The following DGKB variants were observed in gnomAD, a reference collection of about 807,000 sequenced individuals.
DGKB encodes the protein 90 kDa diacylglycerol kinase.
DGKB carries 67 observed loss-of-function variants against 114.3 expected under a neutral mutation model. That is an observed-to-expected ratio of 0.59 (90% CI 0.48 to 0.72). DGKB has a LOEUF of 0.72. DGKB is among the 30% of genes least tolerant of loss of function. The probability of loss-of-function intolerance (pLI) is 0.00; values close to 1 mark genes in which losing one functional copy is unlikely to be tolerated. For synonymous variants in DGKB, 398 were observed against 323.1 expected (o/e 1.23, Z -2.49); for missense variants, 907 against 975.2 (o/e 0.93, Z 0.93).
chr7:14,230,451 T>G (rs1282360935), intron 23 of DGKB, among the ~76,000 whole-genome samples: 1 of 151,964 alleles, frequency 6.6e-6, no homozygotes, highest in African/African-American at 2.4e-5. Flanking sequence ...ATGGTAAAAT[T>G]TCATTAATTA....
intron 6 of DGKB, 131 bp from the exon 7 acceptor site, chr7:14,701,861 T>C: frequency 3.2e-6 from 2 of 622,784 alleles, no homozygotes; most frequent in South Asian, 2.0e-5. Context: ...AAACAATTAA[T>C]TTGTGGGATT....
intron 23 of DGKB, among the ~76,000 whole-genome samples, chr7:14,243,434 A>G (rs1033759876): frequency 2.0e-5 from 3 of 152,226 alleles, no homozygotes; most frequent in African/African-American, 7.2e-5. Context: ...TCCTAGAACC[A>G]TATAGATGCT....
chr7:14,869,863 A>G (rs1852202201), intron 1 of DGKB, among the ~76,000 whole-genome samples: 1 of 152,126 alleles, frequency 6.6e-6, no homozygotes, highest in Non-Finnish European at 1.5e-5. Context: ...ACAAGAGATG[A>G]CTCGCTAATG....
chr7:14,689,948 T>C (rs778288232), intron 9 of DGKB, among the ~76,000 whole-genome samples: 2 of 152,194 alleles, frequency 1.3e-5, no homozygotes, highest in Non-Finnish European at 2.9e-5. Flanking sequence ...AAATGACCTA[T>C]AAGAATTGAA....
At chr7:14,888,441 T>A (rs568242655) in intron 1 of DGKB, among the ~76,000 whole-genome samples, 23 of 151,870 alleles carry the variant, frequency 1.5e-4, no homozygotes, top group African/African-American at 5.5e-4. Context: ...TTCATTTTCC[T>A]CTTTGTGTGA....
chr7:14,579,366 A>G (rs1405604893), intron 19 of DGKB, among the ~76,000 whole-genome samples: 1 of 152,198 alleles, frequency 6.6e-6, no homozygotes, highest in Non-Finnish European at 1.5e-5. Context: ...TTTCACAAGA[A>G]TTATTAGAGT....
At chr7:14,958,217 G>A (rs946492903) in intron 1 of DGKB, among the ~76,000 whole-genome samples, 1 of 151,956 alleles carries the variant, frequency 6.6e-6, no homozygotes, top group Non-Finnish European at 1.5e-5. Context: ...GTTTTTCTAA[G>A]AGCTGCAAAG....
rs910881765 is a variant in DGKB, at chr7:14,295,410, C to T, written c.2122+43105G>A. Among the ~76,000 whole-genome samples the T allele has an allele frequency of 7.2e-5, 11 of 152,082 alleles. No individual in the cohort carries two copies. In the East Asian group the frequency reaches 1.9e-3, roughly 27 times the overall value. On this transcript the variant is annotated intron_variant, in intron 23 of 25. Coordinates refer to ENST00000402815, the MANE Select transcript of DGKB (RefSeq NM_001350709.2). The stretch of plus-strand genomic sequence containing the variant: ...TTGTTTCCTTTAGTTCTTAAAGGAG[C>T]TTCGGGGGCCAAAAGTGTGTTTGAA...
At chr7:14,419,642 T>G (rs1826354255) in intron 21 of DGKB, among the ~76,000 whole-genome samples, 2 of 148,752 alleles carry the variant, frequency 1.3e-5, no homozygotes, top group African/African-American at 4.9e-5. Context: ...AAAAAAAATG[T>G]TGGACTGGAA....
chr7:14,599,568 C>T (rs982584153), intron 17 of DGKB, among the ~76,000 whole-genome samples: 11 of 152,160 alleles, frequency 7.2e-5, no homozygotes, highest in Admixed American at 3.9e-4. Flanking sequence ...AGAACAACCA[C>T]GAAACCCTCA....
intron 1 of DGKB, among the ~76,000 whole-genome samples, chr7:14,912,104 G>A (rs752936383): frequency 1.2e-4 from 18 of 152,014 alleles, no homozygotes; most frequent in Non-Finnish European, 2.4e-4. Context: ...TATAAATAGA[G>A]GCAACTTTGT....
chr7:14,351,070 C>T (rs10255276), intron 21 of DGKB, among the ~76,000 whole-genome samples: 1 of 151,874 alleles, frequency 6.6e-6, no homozygotes, highest in African/African-American at 2.4e-5. Context: ...ATGGCATAGC[C>T]GGAATTTGGA....
intron 20 of DGKB, among the ~76,000 whole-genome samples, chr7:14,539,179 C>T (rs1793012269): frequency 6.6e-6 from 1 of 151,994 alleles, no homozygotes; most frequent in South Asian, 2.1e-4. Context: ...CAAAGGGACA[C>T]CAGGGAACTT....
intron 17 of DGKB, among the ~76,000 whole-genome samples, chr7:14,596,039 G>A (rs190720575): frequency 1.2e-4 from 18 of 152,084 alleles, no homozygotes; most frequent in South Asian, 6.2e-4. Context: ...CCATTGTTAC[G>A]TTAATAACAT....
chr7:14,246,765 A>G (rs1794538240), intron 23 of DGKB, among the ~76,000 whole-genome samples: 1 of 152,118 alleles, frequency 6.6e-6, no homozygotes, highest in Non-Finnish European at 1.5e-5. Context: ...AATGATTACC[A>G]CAATCTAATT....
rs573137486 is a variant in DGKB, at chr7:14,651,244, C to T, written c.1135-20976G>A. Among the ~76,000 whole-genome samples, 3 of 152,222 alleles carry T rather than the reference C, an allele frequency of 2.0e-5. No homozygotes were observed. The South Asian group carries it at 6.2e-4, about 32-fold the overall frequency. On this transcript the variant is annotated intron_variant, in intron 13 of 25. Coordinates refer to ENST00000402815, the MANE Select transcript of DGKB (RefSeq NM_001350709.2). ...CTTGATGAACATTGATGCAAAAAAT[C>T]CTCAATAAAATACTGGCAAACCGAA...
intron 17 of DGKB, among the ~76,000 whole-genome samples, chr7:14,592,306 C>G (rs1478120489): frequency 6.6e-6 from 1 of 151,774 alleles, no homozygotes; most frequent in Non-Finnish European, 1.5e-5. Context: ...TCTCTTTTTC[C>G]TCGTTCTTGT....
At chr7:14,671,281 C>A (rs75246225) in intron 13 of DGKB, among the ~76,000 whole-genome samples, 39 of 151,968 alleles carry the variant, frequency 2.6e-4, no homozygotes, top group Admixed American at 2.1e-3. Flanking sequence ...AGAGAAAGGA[C>A]CAGGAGTGAG....
chr7:14,845,154 A>C (rs1848479187), intron 1 of DGKB, among the ~76,000 whole-genome samples: 1 of 150,130 alleles, frequency 6.7e-6, no homozygotes, highest in African/African-American at 2.4e-5. Flanking sequence ...GAAAGAAAAA[A>C]AGGAAGAAAA....
Sources: allele counts gnomAD v4.1 joint callset (sites outside exome capture counted in the v4.1 genomes callset), GRCh38; gene constraint gnomAD v4.1.1; transcripts MANE v1.5; gene names NCBI Gene and HGNC (gene_info 2026-07-23, HGNC 2026-07-21).